The following RIMS1 variants were observed in gnomAD, a reference collection of about 807,000 sequenced individuals.
RIMS1 encodes the protein regulating synaptic membrane exocytosis 1.
Under a neutral mutation model 214.1 loss-of-function variants are expected in RIMS1, and 83 were observed. The observed-to-expected ratio is 0.39, with a 90% CI of 0.32 to 0.47. The LOEUF is 0.47. RIMS1 is among the 20% of genes least tolerant of loss of function. The pLI is 0.99. For missense variants in RIMS1, 2,050 were observed against 2,161.8 expected, an observed-to-expected ratio of 0.95 and a Z score of 1.03; for synonymous variants, 793 against 786.8, an observed-to-expected ratio of 1.01 and a Z score of -0.13.
chr6:71,929,562 G>A (rs1422069275), intron 1 of RIMS1, among the ~76,000 whole-genome samples: 1 of 151,980 alleles, frequency 6.6e-6, no homozygotes, highest in Non-Finnish European at 1.5e-5. Flanking sequence ...AGCCTGTCTT[G>A]TATTTAGGCA....
At chr6:72,107,641 G>C (rs900689024) in intron 4 of RIMS1, among the ~76,000 whole-genome samples, 1 of 152,172 alleles carries the variant, frequency 6.6e-6, no homozygotes, top group Non-Finnish European at 1.5e-5. Flanking sequence ...TAGTTCAGTG[G>C]TGATGATGTG....
intron 4 of RIMS1, among the ~76,000 whole-genome samples, chr6:72,177,291 G>A (rs549941477): frequency 1.2e-4 from 18 of 152,166 alleles, no homozygotes; most frequent in Admixed American, 3.3e-4. Flanking sequence ...TCGCTCTATC[G>A]TCCAGGCTGG....
intron 29 of RIMS1, among the ~76,000 whole-genome samples, chr6:72,339,748 T>G (rs1245221579): frequency 6.6e-6 from 1 of 152,058 alleles, no homozygotes; most frequent in Non-Finnish European, 1.5e-5. Flanking sequence ...TAAACGTACG[T>G]GTGCATGTGT....
intron 4 of RIMS1, among the ~76,000 whole-genome samples, chr6:72,169,159 C>A (rs2046682182): frequency 1.3e-5 from 2 of 152,038 alleles, no homozygotes; most frequent in South Asian, 4.1e-4. Flanking sequence ...GTTTATAGTG[C>A]AAGGTATTCT....
At chr6:72,022,609 T>C (rs935790423) in intron 2 of RIMS1, among the ~76,000 whole-genome samples, 10 of 152,216 alleles carry the variant, frequency 6.6e-5, no homozygotes, top group African/African-American at 2.4e-4. Flanking sequence ...ATGCTTTACA[T>C]TATGCAGAAA....
intron 2 of RIMS1, among the ~76,000 whole-genome samples, chr6:72,055,563 G>A (rs1425063361): frequency 1.3e-5 from 2 of 152,296 alleles, no homozygotes; most frequent in East Asian, 1.9e-4. Context: ...AGTGGTGAGA[G>A]TTGGCATCCT....
In RIMS1 at chr6:72,183,617, A is replaced by G. The variant is rs969963342; in HGVS notation, c.1678+468A>G. On this transcript the variant is annotated intron_variant, in intron 6 of 33. Coordinates refer to ENST00000521978, the MANE Select transcript of RIMS1 (RefSeq NM_014989.7). ...AATTAACCTTTCTCACAATTTGTGA[A>G]CAGATTACAGTTTATTCTTGGACAA... Among the ~76,000 whole-genome samples, 3 of 151,122 alleles carry G rather than the reference A, an allele frequency of 2.0e-5. No homozygotes were observed. In the East Asian group the frequency reaches 5.8e-4, roughly 29 times the overall value.
chr6:71,928,598 A>G (rs1045099026), intron 1 of RIMS1, among the ~76,000 whole-genome samples: 1 of 152,114 alleles, frequency 6.6e-6, no homozygotes, highest in African/African-American at 2.4e-5. Flanking sequence ...CTCAAATAAC[A>G]TTTATATCTA....
chr6:72,260,528 T>C (rs1251362170), intron 18 of RIMS1, among the ~76,000 whole-genome samples, 177 bp from the exon 19 acceptor site: 1 of 152,212 alleles, frequency 6.6e-6, no homozygotes. Flanking sequence ...ATATTTGTAC[T>C]TTATTGTTTA....
At chr6:71,895,926 AC>A (rs1180203799) in intron 1 of RIMS1, among the ~76,000 whole-genome samples, 1 of 152,196 alleles carries the variant, frequency 6.6e-6, no homozygotes, top group Non-Finnish European at 1.5e-5. Context: ...AGAGATGAAA[AC>A]AAAAGTAAAG....
intron 2 of RIMS1, among the ~76,000 whole-genome samples, chr6:72,075,108 G>T (rs1831471274): frequency 6.6e-6 from 1 of 151,992 alleles, no homozygotes; most frequent in African/African-American, 2.4e-5. Context: ...TTGAGACAGG[G>T]TCTTGCTCTG....
intron 23 of RIMS1, among the ~76,000 whole-genome samples, chr6:72,283,197 CT>C (rs201220002): frequency 3.1e-4 from 47 of 151,054 alleles, no homozygotes; most frequent in South Asian, 1.0e-3. Context: ...GGGTTTCTCT[CT>C]TTTTTTTTGT....
chr6:72,265,239 A>G (rs1451287274), intron 20 of RIMS1, 151 bp from the exon 21 acceptor site: 13 of 601,276 alleles, frequency 2.2e-5, no homozygotes, highest in Non-Finnish European at 3.6e-5. Context: ...CGTTTTAACT[A>G]TAAAACTTAG....
chr6:72,217,993 C>T (rs1273574144), intron 6 of RIMS1, among the ~76,000 whole-genome samples: 1 of 151,984 alleles, frequency 6.6e-6, no homozygotes, highest in East Asian at 1.9e-4. Flanking sequence ...AACATTTTTT[C>T]AGATGCTCAA....
At chr6:72,302,951 C>T (rs544009537) in intron 26 of RIMS1, among the ~76,000 whole-genome samples, 21 of 150,862 alleles carry the variant, frequency 1.4e-4, no homozygotes, top group South Asian at 6.2e-4. Flanking sequence ...TAAACACAAA[C>T]GTCTGAAATT....
At chr6:72,162,079 G>T (rs2045516038) in intron 4 of RIMS1, among the ~76,000 whole-genome samples, 1 of 140,400 alleles carries the variant, frequency 7.1e-6, no homozygotes, top group African/African-American at 2.5e-5. Context: ...TCCTGTATTG[G>T]GTGCACATAT....
At chr6:72,294,088 A>G (rs1222724398) in intron 26 of RIMS1, among the ~76,000 whole-genome samples, 1 of 151,650 alleles carries the variant, frequency 6.6e-6, no homozygotes, top group East Asian at 1.9e-4. Context: ...TTTTTATGAT[A>G]TAAATATGTG....
At chr6:72,302,269 T>C (rs1023871948) in intron 26 of RIMS1, among the ~76,000 whole-genome samples, 3 of 151,628 alleles carry the variant, frequency 2.0e-5, no homozygotes, top group African/African-American at 7.2e-5. Flanking sequence ...CTTATCCATA[T>C]AAACAATTCC....
intron 2 of RIMS1, among the ~76,000 whole-genome samples, chr6:71,972,555 T>C (rs1307024173): frequency 6.6e-6 from 1 of 152,182 alleles, no homozygotes; most frequent in Non-Finnish European, 1.5e-5. Flanking sequence ...TATCCAAATG[T>C]TCCTTTTAAG....
Sources: gnomAD v4.1 joint callset for allele counts (sites outside exome capture counted in the v4.1 genomes callset) on GRCh38, gnomAD v4.1.1 for gene constraint, MANE v1.5 for transcripts, NCBI Gene and HGNC (gene_info 2026-07-23, HGNC 2026-07-21) for gene names.